Variants in TTC28 observed in about 807,000 individuals in gnomAD.
The protein encoded by TTC28 is tetratricopeptide repeat protein 28.
In TTC28, 61 loss-of-function variants were observed where a neutral mutation model predicts 198.0. That is an observed-to-expected ratio of 0.31 (90% CI 0.25 to 0.38). TTC28 has a LOEUF of 0.38. Among genes scored for constraint, TTC28 ranks in the 10% least tolerant of loss-of-function variants. TTC28 has a pLI of 1.00. For missense variants in TTC28, 2,678 were observed against 3,164.0 expected, an observed-to-expected ratio of 0.85 and a Z score of 3.69; for synonymous variants, 1,171 against 1,297.8, an observed-to-expected ratio of 0.90 and a Z score of 2.10.
intron 8 of TTC28, among the ~76,000 whole-genome samples, chr22:28,104,789 A>G (rs1436407472): frequency 6.6e-6 from 1 of 152,218 alleles, no homozygotes; most frequent in Non-Finnish European, 1.5e-5. Flanking sequence ...CTCAGCTGCC[A>G]TGTCAGAACT....
chr22:28,139,764 T>C (rs1213215981), intron 6 of TTC28, among the ~76,000 whole-genome samples: 3 of 151,630 alleles, frequency 2.0e-5, no homozygotes, highest in Non-Finnish European at 4.4e-5. Flanking sequence ...ACAGCGCCTC[T>C]CCAGCTCCAA....
At chr22:27,988,132 A>G (rs569478999) in intron 21 of TTC28, among the ~76,000 whole-genome samples, 1 of 151,948 alleles carries the variant, frequency 6.6e-6, no homozygotes, top group South Asian at 2.1e-4. Flanking sequence ...GGGATTCAGA[A>G]CCCCTGTGAG....
chr22:28,252,183 C>T (rs1407444931), intron 5 of TTC28, among the ~76,000 whole-genome samples: 2 of 152,290 alleles, frequency 1.3e-5, no homozygotes, highest in East Asian at 1.9e-4. Flanking sequence ...TTTTCAACAG[C>T]TCCTTTCCTA....
chr22:28,010,260 G>T (rs1938095778), intron 14 of TTC28, among the ~76,000 whole-genome samples: 1 of 152,162 alleles, frequency 6.6e-6, no homozygotes. Context: ...TCTGATCATT[G>T]TTCTAACTTG....
intron 5 of TTC28, among the ~76,000 whole-genome samples, chr22:28,268,546 C>A (rs1405232913): frequency 1.3e-5 from 2 of 152,156 alleles, no homozygotes; most frequent in African/African-American, 4.8e-5. Context: ...AACCATTGAA[C>A]CAGAGCAGGC....
chr22:28,536,350 C>A (rs2049277744), intron 2 of TTC28, among the ~76,000 whole-genome samples: 1 of 151,972 alleles, frequency 6.6e-6, no homozygotes, highest in Non-Finnish European at 1.5e-5. Flanking sequence ...GGCGGCCGGG[C>A]GCGGTGGCTC....
chr22:28,352,602 C>T (rs953622183), intron 2 of TTC28, among the ~76,000 whole-genome samples: 2 of 152,094 alleles, frequency 1.3e-5, no homozygotes, highest in African/African-American at 4.8e-5. Flanking sequence ...TCATTAGCCT[C>T]AACCACTTGG....
chr22:28,470,837 C>T (rs1006665353), intron 2 of TTC28, among the ~76,000 whole-genome samples: 1 of 152,016 alleles, frequency 6.6e-6, no homozygotes, highest in Non-Finnish European at 1.5e-5. Flanking sequence ...AAGAACAACA[C>T]AAGAGAAGTG....
At chr22:28,002,868 C>T (rs1346190154) in intron 14 of TTC28, among the ~76,000 whole-genome samples, 1 of 152,054 alleles carries the variant, frequency 6.6e-6, no homozygotes, top group Non-Finnish European at 1.5e-5. Flanking sequence ...CCTGTAGTCC[C>T]AACTACTCAG....
At chr22:28,290,707 T>C (rs2044771857) in intron 5 of TTC28, among the ~76,000 whole-genome samples, 1 of 152,138 alleles carries the variant, frequency 6.6e-6, no homozygotes, top group South Asian at 2.1e-4. Flanking sequence ...AGCCAGGACT[T>C]TGAGACCAAC....
chr22:28,564,841 T>TTATATATTTTA (rs1046693631), intron 2 of TTC28, among the ~76,000 whole-genome samples: 5 of 147,638 alleles, frequency 3.4e-5, no homozygotes, highest in Non-Finnish European at 7.5e-5. Context: ...TTATAATTTT[T>TTATATATTTTA]TATATATTTT....
intron 2 of TTC28, among the ~76,000 whole-genome samples, chr22:28,399,762 A>G (rs1209215491): frequency 2.0e-5 from 3 of 152,152 alleles, no homozygotes; most frequent in Non-Finnish European, 2.9e-5. Context: ...ATTGGTCCAT[A>G]TATTATCCTT....
chr22:28,077,118 A>G (rs1394181452), intron 12 of TTC28, among the ~76,000 whole-genome samples: 1 of 152,160 alleles, frequency 6.6e-6, no homozygotes, highest in East Asian at 1.9e-4. Context: ...GAAACCTAAT[A>G]GTCCATTTTA....
intron 2 of TTC28, among the ~76,000 whole-genome samples, chr22:28,536,985 C>T (rs1050787292): frequency 2.6e-5 from 4 of 151,258 alleles, no homozygotes; most frequent in Admixed American, 6.6e-5. Flanking sequence ...ATTATAAGTA[C>T]GGTTATGATG....
chr22:27,999,459 T>C (rs1937615635), intron 15 of TTC28, 199 bp from the exon 16 acceptor site: 2 of 782,356 alleles, frequency 2.6e-6, no homozygotes, highest in Non-Finnish European at 4.0e-6. Flanking sequence ...TCATGCCTGC[T>C]GTGATGAGCC....
rs1269161646 is a variant in TTC28 at position 28,001,348 on chromosome 22, C to T, written c.4398+26G>A. 5 of 1,529,310 alleles carry T rather than the reference C, an allele frequency of 3.3e-6. No individual in the cohort carries two copies. The South Asian group carries it at 4.8e-5, about 15-fold the overall frequency. The allele number at this position is 1,529,310 out of a possible 1,614,324, so 94.7% of individuals were successfully genotyped here. ...TCGTGACCCGAAAACAAGCCCCCGGCCCCCCACCATGTGTGTGAGCCTTAC... is the reference window on the plus strand; with the variant it reads ...TCGTGACCCGAAAACAAGCCCCCGGTCCCCCACCATGTGTGTGAGCCTTAC... On this transcript the variant is annotated intron_variant, in intron 15 of 22. Coordinates refer to ENST00000397906, the MANE Select transcript of TTC28 (RefSeq NM_001145418.2).
At chr22:28,372,594 G>C (rs2046354833) in intron 2 of TTC28, among the ~76,000 whole-genome samples, 1 of 149,892 alleles carries the variant, frequency 6.7e-6, no homozygotes, top group Non-Finnish European at 1.5e-5. Context: ...TTTGTTCCAA[G>C]ATTACGCTCT....
chr22:28,484,159 C>T (rs1326982541), intron 2 of TTC28, among the ~76,000 whole-genome samples: 1 of 152,126 alleles, frequency 6.6e-6, no homozygotes, highest in African/African-American at 2.4e-5. Flanking sequence ...GCCTGGCTCT[C>T]TGCCACCCAG....
intron 3 of TTC28, among the ~76,000 whole-genome samples, chr22:28,299,585 C>A (rs2044974901): frequency 6.6e-6 from 1 of 152,124 alleles, no homozygotes; most frequent in South Asian, 2.1e-4. Context: ...AAGCACAATA[C>A]CATAATGAAA....
Sources: allele counts gnomAD v4.1 joint callset (sites outside exome capture counted in the v4.1 genomes callset), GRCh38; gene constraint gnomAD v4.1.1; transcripts MANE v1.5; gene names NCBI Gene and HGNC (gene_info 2026-07-23, HGNC 2026-07-21).